The following AFAP1 variants were observed in gnomAD, a reference collection of about 807,000 sequenced individuals.
The protein encoded by AFAP1 is actin filament associated protein 1.
Under a neutral mutation model 93.9 loss-of-function variants are expected in AFAP1, and 75 were observed. The observed-to-expected ratio is 0.80, with a 90% confidence interval of 0.66 to 0.97. The LOEUF is 0.97. Among genes scored for constraint, AFAP1 ranks in the 50% least tolerant of loss-of-function variants. AFAP1 has a pLI of 0.00. For missense variants in AFAP1, 1,201 were observed against 1,050.8 expected, an observed-to-expected ratio of 1.14 and a Z score of -1.98; for synonymous variants, 517 against 430.7, an observed-to-expected ratio of 1.20 and a Z score of -2.48.
intron 9 of AFAP1, among the ~76,000 whole-genome samples, chr4:7,801,144 T>C (rs1718982719): frequency 6.6e-6 from 1 of 152,136 alleles, no homozygotes; most frequent in Admixed American, 6.5e-5. Context: ...ATGAAAACTT[T>C]CCAAGAAATA....
At chr4:7,881,021 T>C (rs1717810787) in intron 1 of AFAP1, among the ~76,000 whole-genome samples, 1 of 152,202 alleles carries the variant, frequency 6.6e-6, no homozygotes, top group African/African-American at 2.4e-5. Context: ...ACACAGTTGC[T>C]GGTGGCCTTT....
intron 1 of AFAP1, among the ~76,000 whole-genome samples, chr4:7,935,194 A>G (rs749308382): frequency 2.0e-5 from 3 of 152,214 alleles, no homozygotes; most frequent in Non-Finnish European, 4.4e-5. Context: ...AAAATTTACA[A>G]AATTCCATTA....
intron 9 of AFAP1, among the ~76,000 whole-genome samples, chr4:7,801,787 C>T (rs1258682118): frequency 6.6e-6 from 1 of 151,676 alleles, no homozygotes; most frequent in Non-Finnish European, 1.5e-5. Flanking sequence ...ACATCCTTTC[C>T]AATTCTGATT....
chr4:7,854,084 C>G (rs1469286162), intron 4 of AFAP1, among the ~76,000 whole-genome samples: 1 of 152,160 alleles, frequency 6.6e-6, no homozygotes, highest in Non-Finnish European at 1.5e-5. Context: ...ACAAACGTTC[C>G]AAATGCTAGA....
chr4:7,847,792 T>TGGG (rs1553845868), intron 4 of AFAP1, among the ~76,000 whole-genome samples: 19 of 36,572 alleles, frequency 5.2e-4, no homozygotes, highest in African/African-American at 1.5e-3. Flanking sequence ...TCAGGGGTAC[T>TGGG]CGGGGTGGGG....
At chr4:7,833,790 G>A (rs1424690758) in intron 6 of AFAP1, among the ~76,000 whole-genome samples, 8 of 151,912 alleles carry the variant, frequency 5.3e-5, no homozygotes, top group South Asian at 4.2e-4. Context: ...GGGTTTCACC[G>A]TGTTATCCAG....
chr4:7,798,837 G>A (rs762082125), intron 10 of AFAP1: 283 of 664,920 alleles, frequency 4.3e-4, no homozygotes, highest in Non-Finnish European at 5.0e-4. Context: ...CACCCCCACC[G>A]CACCCCGAGC....
intron 1 of AFAP1, among the ~76,000 whole-genome samples, chr4:7,884,799 A>G (rs1318549928): frequency 6.6e-6 from 1 of 152,244 alleles, no homozygotes; most frequent in Non-Finnish European, 1.5e-5. Context: ...CTGACTCAAA[A>G]TCAGACGTAA....
chr4:7,802,538 C>G (rs7376483), intron 9 of AFAP1, among the ~76,000 whole-genome samples: 31 of 152,114 alleles, frequency 2.0e-4, no homozygotes, highest in Non-Finnish European at 4.0e-4. Context: ...TTAAAGACGG[C>G]AGATAAAGAG....
intron 4 of AFAP1, among the ~76,000 whole-genome samples, chr4:7,852,397 C>G (rs927708923): frequency 6.6e-6 from 1 of 152,298 alleles, no homozygotes; most frequent in East Asian, 1.9e-4. Flanking sequence ...GTGTCAGTAA[C>G]AGGCAAAGAA....
At chr4:7,904,629 T>C (rs1719299092) in intron 1 of AFAP1, among the ~76,000 whole-genome samples, 1 of 152,224 alleles carries the variant, frequency 6.6e-6, no homozygotes, top group East Asian at 1.9e-4. Context: ...TTGTCCATGG[T>C]CACAGGTTAT....
intron 1 of AFAP1, among the ~76,000 whole-genome samples, chr4:7,882,732 G>A (rs1011513035): frequency 1.3e-5 from 2 of 152,136 alleles, no homozygotes; most frequent in Admixed American, 6.5e-5. Context: ...GGTGGCACGT[G>A]CTTGTAATCC....
At chr4:7,795,339 G>C (rs1366067378) in intron 10 of AFAP1, among the ~76,000 whole-genome samples, 1 of 146,128 alleles carries the variant, frequency 6.8e-6, no homozygotes, top group South Asian at 2.2e-4. Context: ...TGAATACCTG[G>C]ATTAAAACAA....
At position 7,782,673 on chromosome 4, in the gene AFAP1, T is replaced by C. The variant is rs75189412; in HGVS notation, c.1531-1046A>G. Reference sequence around the variant, plus strand: ...TCGCCTGGCATGACAAGAAAGGCAGTATTAATTCCTCTCTTATATTCCTTT... The same window carrying C: ...TCGCCTGGCATGACAAGAAAGGCAGCATTAATTCCTCTCTTATATTCCTTT... On this transcript the variant is annotated intron_variant, in intron 12 of 17. Transcript: ENST00000420658. Among the ~76,000 whole-genome samples, 12 of 152,336 alleles carry C rather than the reference T, an allele frequency of 7.9e-5. No individual in the cohort carries two copies. The East Asian group carries it at 2.3e-3, about 29-fold the overall frequency.
At chr4:7,824,285 C>T (rs1721233366) in intron 6 of AFAP1, among the ~76,000 whole-genome samples, 1 of 152,188 alleles carries the variant, frequency 6.6e-6, no homozygotes, top group Non-Finnish European at 1.5e-5. Context: ...ATTTTGTTTG[C>T]TTTTAACTTG....
rs765328350 is a variant in AFAP1, at chr4:7,838,639, G to A, written c.611C>T (p.Thr204Met). ...CTTTTTGCTGTCTTTCGGGATGTAC[G>A]TAATGTTACAGCCTTGGAGTGGCAG... ...MELPLQGCNITYIPKDSKKKK... is the reference protein window; with the variant it reads ...MELPLQGCNIMYIPKDSKKKK... Residue 204 changes from threonine to methionine, a missense_variant, in exon 6 of 18, where the codon ACG (threonine) becomes ATG (methionine). Physicochemically the swap from Thr to Met is moderately conservative, Grantham distance 81 (BLOSUM62 -1). Transcript: ENST00000420658. 4.7e-5 allele frequency: 76 copies of A among 1,613,998 alleles called. No homozygotes were observed. The highest frequency in any genetic ancestry group is 6.7e-5 in the Admixed American group (4 of 59,998).
chr4:7,789,693 T>TC (rs1018427471), intron 11 of AFAP1, among the ~76,000 whole-genome samples: 3 of 142,438 alleles, frequency 2.1e-5, no homozygotes, highest in Admixed American at 7.1e-5. Context: ...CACCACCCCA[T>TC]CCATGCATCT....
intron 17 of AFAP1, among the ~76,000 whole-genome samples, chr4:7,767,805 C>G (rs746310532): frequency 6.6e-6 from 1 of 152,178 alleles, no homozygotes; most frequent in East Asian, 1.9e-4. Context: ...CCAAGCTGGG[C>G]GCAGTGGCTC....
At chr4:7,854,820 G>A (rs1348948082) in intron 4 of AFAP1, among the ~76,000 whole-genome samples, 1 of 152,124 alleles carries the variant, frequency 6.6e-6, no homozygotes, top group African/African-American at 2.4e-5. Flanking sequence ...ATACTGAAAG[G>A]AGACATAGAG....
Sources: gnomAD v4.1 joint callset for allele counts (sites outside exome capture counted in the v4.1 genomes callset) on GRCh38, gnomAD v4.1.1 for gene constraint, MANE v1.5 for transcripts, NCBI Gene and HGNC (gene_info 2026-07-23, HGNC 2026-07-21) for gene names.